KCNU1: variants seen among roughly 807,000 people sequenced by gnomAD.
KCNU1 encodes potassium channel subfamily U member 1.
KCNU1 carries 93 observed loss-of-function variants against 126.8 expected under a neutral mutation model. The ratio of observed to expected loss-of-function variants is 0.73; its 90% confidence interval spans 0.62 to 0.87. KCNU1 has a LOEUF of 0.87. Ranked by LOEUF, KCNU1 falls within the 40% of genes least tolerant of loss-of-function variation. The pLI is 0.00. For missense variants in KCNU1, 1,330 were observed against 1,367.1 expected, an observed-to-expected ratio of 0.97 and a Z score of 0.43; for synonymous variants, 523 against 494.2, an observed-to-expected ratio of 1.06 and a Z score of -0.77.
In KCNU1 at chr8:36,912,192, G is replaced by A. The variant is rs114177730; in HGVS notation, c.2521+1073G>A. 7.5e-3 allele frequency among the ~76,000 whole-genome samples: 1,139 copies of A among 152,264 alleles called. 22 individuals carry two copies. Among genetic ancestry groups the A allele is most frequent in the African/African-American group, 0.026 (1,081 of 41,542 alleles). On this transcript the variant is annotated intron_variant, in intron 22 of 26. Coordinates refer to ENST00000399881, the MANE Select transcript of KCNU1 (RefSeq NM_001031836.3). ...GAGGTTAGCATTTAAGGCATTGCAAGGCTTTTCATGATAATGGCTGTCGAT... is the reference window on the plus strand; with the variant it reads ...GAGGTTAGCATTTAAGGCATTGCAAAGCTTTTCATGATAATGGCTGTCGAT...
rs776606922 is a variant in KCNU1 at position 36,840,592 on chromosome 8, A to T, written c.1631+17A>T. ...AGTTGCCCGGTAAGTGAAGTGAAAT[A>T]CTTCCCTCATTCTTCAGACAACAGC... is the stretch of plus-strand genomic sequence containing the variant. On this transcript the variant is annotated intron_variant, in intron 15 of 26. Coordinates refer to ENST00000399881, the MANE Select transcript of KCNU1 (RefSeq NM_001031836.3). 7.4e-7 allele frequency: 1 copy of T among 1,351,558 alleles called. No individual in the cohort carries two copies. Among genetic ancestry groups the T allele is most frequent in the Non-Finnish European group, 1.1e-6 (1 of 942,862 alleles). 83.7% of individuals were successfully genotyped at this position (1,351,558 alleles called of 1,614,324 possible). A position where few individuals can be genotyped will look rare whatever the true frequency, so the allele number is the denominator to read the frequency against.
chr8:36,895,463 C>T (rs913115538), intron 19 of KCNU1, among the ~76,000 whole-genome samples: 1 of 152,166 alleles, frequency 6.6e-6, no homozygotes, highest in Middle Eastern at 3.4e-3. Context: ...TTTCCGAACA[C>T]TAAATGACTT....
chr8:36,825,428 A>C (rs1804282624), intron 10 of KCNU1, among the ~76,000 whole-genome samples: 2 of 152,136 alleles, frequency 1.3e-5, no homozygotes, highest in African/African-American at 4.8e-5. Flanking sequence ...TACCAACTTT[A>C]AGTTTTATGA....
intron 19 of KCNU1, among the ~76,000 whole-genome samples, chr8:36,897,510 C>T (rs920469579): frequency 9.2e-5 from 14 of 152,080 alleles, no homozygotes; most frequent in African/African-American, 3.4e-4. Context: ...AAGAGCCACA[C>T]ATCAGGAAAG....
chr8:36,852,388 T>G (rs1263320126), intron 18 of KCNU1, among the ~76,000 whole-genome samples: 2 of 152,192 alleles, frequency 1.3e-5, no homozygotes, highest in African/African-American at 4.8e-5. Context: ...CCCCATAGAA[T>G]GAATTGGAAA....
chr8:36,935,587 C>A lies in KCNU1; in HGVS notation c.3117C>A (p.Phe1039Leu). 1.2e-6 allele frequency: 2 copies of A among 1,613,172 alleles called. No individual in the cohort carries two copies. The highest frequency in any genetic ancestry group is 1.7e-6 in the Non-Finnish European group (2 of 1,179,354). ...PSDLVFCAIP[F>L]STACYKRNEE... ...ATCTTGTGTTTTGTGCCATACCCTT[C>A]AGCACTGCTTGTTATAAAAGGAATG... Residue 1039 changes from phenylalanine (F) to leucine (L), a missense_variant, in exon 27 of 27, where the codon TTC (phenylalanine) becomes TTA (leucine). Physicochemically the swap from Phe to Leu is conservative, Grantham distance 22. Transcript: ENST00000399881.
At chr8:36,896,596 T>C (rs977439028) in intron 19 of KCNU1, among the ~76,000 whole-genome samples, 10 of 151,980 alleles carry the variant, frequency 6.6e-5, no homozygotes, top group Non-Finnish European at 1.2e-4. Context: ...CTTTAAGACA[T>C]CTAAAATTTG....
At chr8:36,800,526 G>C (rs896936413) in intron 2 of KCNU1, among the ~76,000 whole-genome samples, 5 of 152,164 alleles carry the variant, frequency 3.3e-5, no homozygotes, top group Non-Finnish European at 5.9e-5. Context: ...TAGCCAAGAG[G>C]TTCCTCCTCT....
At chr8:36,916,069 G>A (rs1808090478) in intron 22 of KCNU1, among the ~76,000 whole-genome samples, 1 of 149,928 alleles carries the variant, frequency 6.7e-6, no homozygotes, top group Admixed American at 6.7e-5. Context: ...GAGGGAAAGG[G>A]ACGAGAGAAA....
At chr8:36,819,786 T>C (rs1804054164) in intron 10 of KCNU1, among the ~76,000 whole-genome samples, 1 of 152,184 alleles carries the variant, frequency 6.6e-6, no homozygotes, top group Non-Finnish European at 1.5e-5. Flanking sequence ...TGGTAGAGTT[T>C]CCTTTAACAC....
intron 22 of KCNU1, 30 bp downstream of exon 22, chr8:36,911,149 C>T: frequency 1.3e-6 from 2 of 1,529,472 alleles, no homozygotes; most frequent in Non-Finnish European, 1.8e-6. Flanking sequence ...AAAGAAGAAA[C>T]TAGGACGTAT....
intron 6 of KCNU1, among the ~76,000 whole-genome samples, chr8:36,807,731 A>C (rs373669124): frequency 6.5e-4 from 94 of 144,416 alleles, no homozygotes; most frequent in African/African-American, 2.3e-3. Flanking sequence ...CCCTCCACCA[A>C]AAAAAAAAAA....
At chr8:36,849,220 C>T (rs1016476383) in intron 18 of KCNU1, among the ~76,000 whole-genome samples, 1 of 151,596 alleles carries the variant, frequency 6.6e-6, no homozygotes, top group Admixed American at 6.6e-5. Context: ...AAACGAAAAA[C>T]AAAAAAAAGG....
At chr8:36,888,215 G>C (rs1251761336) in intron 19 of KCNU1, among the ~76,000 whole-genome samples, 1 of 152,104 alleles carries the variant, frequency 6.6e-6, no homozygotes, top group Non-Finnish European at 1.5e-5. Flanking sequence ...AGAAAACATA[G>C]ACAACATGGA....
intron 18 of KCNU1, among the ~76,000 whole-genome samples, chr8:36,850,339 G>T (rs1286961333): frequency 6.6e-6 from 1 of 151,752 alleles, no homozygotes; most frequent in Admixed American, 6.6e-5. Context: ...TTTTTATTTT[G>T]TCACTTGTGC....
intron 20 of KCNU1, among the ~76,000 whole-genome samples, chr8:36,906,846 G>A (rs1256637321): frequency 6.6e-6 from 1 of 152,076 alleles, no homozygotes; most frequent in Non-Finnish European, 1.5e-5. Flanking sequence ...CACCATTTTA[G>A]CAATTATGTC....
chr8:36,814,261 T>C lies in KCNU1; in HGVS notation c.787T>C (p.Tyr263His), dbSNP rs374327006. 56 of 1,613,208 alleles carry C rather than the reference T, an allele frequency of 3.5e-5. No individual in the cohort carries two copies. Among genetic ancestry groups the C allele is most frequent in the Non-Finnish European group, 4.2e-5 (50 of 1,179,480 alleles). ...LKGRNSQNIS[Y>H]FESIYLVMAT... ...AGGTAGAAATTCACAGAATATATCA[T>C]ATTTTGAGTCAATTTACCTGGTCAT... Residue 263 changes from tyrosine to histidine, a missense_variant, in exon 8 of 27, where the codon TAT (tyrosine) becomes CAT (histidine). By Grantham distance (83) the Tyr-to-His change is moderately conservative (BLOSUM62 2). Coordinates refer to ENST00000399881, the MANE Select transcript of KCNU1 (RefSeq NM_001031836.3).
chr8:36,813,671 T>A (rs34191397), intron 7 of KCNU1, among the ~76,000 whole-genome samples: 35,212 of 150,000 alleles, frequency 0.23, 4,691 homozygotes, highest in African/African-American at 0.36. Context: ...AAGGTTTTTT[T>A]AAAAAAAAAA....
rs1275994713 is a variant in KCNU1, at chr8:36,784,470, A to G, written c.60A>G (p.Thr20=). The change falls in exon 1 of 27, where the codon ACA becomes ACG. Residue 20 remains threonine (T), a synonymous_variant. Coordinates refer to ENST00000399881, the MANE Select transcript of KCNU1 (RefSeq NM_001031836.3). ...TWEDLPKMSC[T]TEIQAAFILS... ...AAGACTTGCCAAAAATGTCCTGCAC[A>G]ACTGAGATCCAAGCAGCATTCATTC... The G allele has an allele frequency of 6.2e-7, 1 of 1,613,942 alleles. No homozygotes were observed.
Sources: gnomAD v4.1 joint callset for allele counts (sites outside exome capture counted in the v4.1 genomes callset) on GRCh38, gnomAD v4.1.1 for gene constraint, MANE v1.5 for transcripts, NCBI Gene and HGNC (gene_info 2026-07-23, HGNC 2026-07-21) for gene names.